The following CSMD1 variants were observed in gnomAD, a reference collection of about 807,000 sequenced individuals.
CSMD1 encodes CUB and Sushi multiple domains 1, also known as CUB and sushi domain-containing protein 1.
In CSMD1, 213 loss-of-function variants were observed where a neutral mutation model predicts 417.5. The observed-to-expected ratio is 0.51, with a 90% CI of 0.46 to 0.57. The LOEUF (loss-of-function observed/expected upper bound fraction) is 0.57, where lower values mean the gene tolerates loss of function less well. Ranked by LOEUF, CSMD1 falls within the 20% of genes least tolerant of loss-of-function variation. The pLI, the probability that CSMD1 is intolerant of heterozygous loss-of-function variation, is 0.00. For synonymous variants in CSMD1, 2,862 were observed against 1,736.8 expected (o/e 1.65, Z -16.11); for missense variants, 6,923 against 4,529.7 (o/e 1.53, Z -15.17).
At chr8:4,304,091 T>C (rs764606184) in intron 3 of CSMD1, among the ~76,000 whole-genome samples, 4 of 152,182 alleles carry the variant, frequency 2.6e-5, no homozygotes, top group African/African-American at 7.2e-5. Context: ...AATACCATTG[T>C]GTTGTCTTAT....
intron 1 of CSMD1, among the ~76,000 whole-genome samples, chr8:4,850,713 T>C (rs1372762138): frequency 3.9e-5 from 6 of 152,092 alleles, no homozygotes; most frequent in African/African-American, 1.4e-4. Flanking sequence ...GTGCAGAGTG[T>C]CGTGAAGCAG....
At chr8:4,323,892 G>C (rs1799409748) in intron 3 of CSMD1, among the ~76,000 whole-genome samples, 1 of 152,114 alleles carries the variant, frequency 6.6e-6, no homozygotes, top group Non-Finnish European at 1.5e-5. Context: ...TCCACATTTT[G>C]AGTCTTGGAG....
intron 5 of CSMD1, among the ~76,000 whole-genome samples, chr8:3,754,506 G>C (rs1052157638): frequency 6.6e-6 from 1 of 151,722 alleles, no homozygotes; most frequent in Non-Finnish European, 1.5e-5. Context: ...CCAGGCTGGA[G>C]GGCAGTGGTG....
chr8:4,874,667 T>A (rs541158384), intron 1 of CSMD1, among the ~76,000 whole-genome samples: 84 of 151,944 alleles, frequency 5.5e-4, no homozygotes, highest in Non-Finnish European at 1.0e-3. Context: ...CTGGGATCAG[T>A]TGGCATCTTA....
rs80041938 is a variant in CSMD1, at chr8:3,069,906, G to C, written c.7474+17191C>G. 8.5e-3 allele frequency among the ~76,000 whole-genome samples: 1,293 copies of C among 152,326 alleles called. 14 individuals are homozygous for C. The highest frequency in any genetic ancestry group is 0.03 in the African/African-American group (1,247 of 41,570). On this transcript the variant is annotated intron_variant, in intron 49 of 69. Transcript: ENST00000635120. ...TTTTTCATACATACTCCAAAATCTAGGTAGAGGCTATCAGGTACTCTTCAT... is the reference window on the plus strand; with the variant it reads ...TTTTTCATACATACTCCAAAATCTACGTAGAGGCTATCAGGTACTCTTCAT...
intron 18 of CSMD1, among the ~76,000 whole-genome samples, chr8:3,370,463 T>A (rs1296357607): frequency 2.6e-5 from 4 of 152,178 alleles, no homozygotes; most frequent in African/African-American, 9.6e-5. Context: ...GAGACCAGGC[T>A]GCCCACCCTC....
At chr8:3,898,503 G>C (rs139648542) in intron 5 of CSMD1, among the ~76,000 whole-genome samples, 18 of 152,314 alleles carry the variant, frequency 1.2e-4, no homozygotes, top group Non-Finnish European at 2.5e-4. Context: ...TACTGTTCCA[G>C]AGAATACCTG....
intron 3 of CSMD1, among the ~76,000 whole-genome samples, chr8:4,276,523 A>C (rs1037160678): frequency 6.6e-6 from 1 of 152,202 alleles, no homozygotes; most frequent in Non-Finnish European, 1.5e-5. Flanking sequence ...GCAAACCACC[A>C]TGGCACATGT....
intron 3 of CSMD1, among the ~76,000 whole-genome samples, chr8:4,288,515 G>T (rs186892794): frequency 4.6e-5 from 7 of 152,196 alleles, no homozygotes; most frequent in African/African-American, 1.4e-4. Flanking sequence ...GGTTTACCCA[G>T]TAGTAGCAGA....
At chr8:4,471,026 A>G (rs762463349) in intron 2 of CSMD1, among the ~76,000 whole-genome samples, 1 of 152,194 alleles carries the variant, frequency 6.6e-6, no homozygotes. Context: ...TCTATGAAAT[A>G]TCTTTTGAAC....
chr8:3,591,599 G>A (rs1273263494), intron 8 of CSMD1, among the ~76,000 whole-genome samples: 1 of 152,182 alleles, frequency 6.6e-6, no homozygotes, highest in Admixed American at 6.5e-5. Context: ...TCTACTGACT[G>A]GCTAGGTAAG....
intron 42 of CSMD1, chr8:3,113,017 A>C (rs10503196): frequency 6.6e-6 from 1 of 152,050 alleles, no homozygotes. Context: ...GCATTTCCCC[A>C]AGTGGTGGCG....
At chr8:4,245,722 G>C (rs1011958917) in intron 3 of CSMD1, among the ~76,000 whole-genome samples, 1 of 151,938 alleles carries the variant, frequency 6.6e-6, no homozygotes, top group African/African-American at 2.4e-5. Flanking sequence ...AGTGCTCTAA[G>C]ATATACACTT....
intron 1 of CSMD1, among the ~76,000 whole-genome samples, chr8:4,825,550 G>A (rs1450637214): frequency 1.3e-5 from 2 of 151,584 alleles, no homozygotes; most frequent in East Asian, 3.9e-4. Flanking sequence ...CTGCTTATAT[G>A]TGTGTGGCTG....
chr8:3,488,005 T>C (rs1215749590), intron 11 of CSMD1, among the ~76,000 whole-genome samples: 1 of 148,070 alleles, frequency 6.8e-6, no homozygotes, highest in East Asian at 2.1e-4. Context: ...AAAAAGACCC[T>C]ACAAACGCAA....
At chr8:4,855,049 G>A (rs1801711051) in intron 1 of CSMD1, among the ~76,000 whole-genome samples, 1 of 152,102 alleles carries the variant, frequency 6.6e-6, no homozygotes, top group Admixed American at 6.5e-5. Flanking sequence ...GGTTCTCCCA[G>A]CAAGCAGCTG....
intron 3 of CSMD1, among the ~76,000 whole-genome samples, chr8:4,061,409 C>T (rs1305765116): frequency 6.6e-6 from 1 of 152,178 alleles, no homozygotes; most frequent in East Asian, 1.9e-4. Flanking sequence ...AAATCAGCTT[C>T]CTAGCACTCT....
chr8:3,016,413 A>G (rs1289829403), intron 52 of CSMD1, among the ~76,000 whole-genome samples: 1 of 152,210 alleles, frequency 6.6e-6, no homozygotes, highest in African/African-American at 2.4e-5. Context: ...TCTTGTGGAC[A>G]TATGTTCTTG....
chr8:3,557,781 G>A (rs1398063369), intron 10 of CSMD1, among the ~76,000 whole-genome samples: 2 of 152,156 alleles, frequency 1.3e-5, no homozygotes, highest in African/African-American at 4.8e-5. Flanking sequence ...GTTTGCCTAG[G>A]ACAGATAGAG....
Sources: allele counts gnomAD v4.1 joint callset (sites outside exome capture counted in the v4.1 genomes callset), GRCh38; gene constraint gnomAD v4.1.1; transcripts MANE v1.5; gene names NCBI Gene and HGNC (gene_info 2026-07-23, HGNC 2026-07-21).